The following FAM228B variants were observed in gnomAD, a reference collection of about 807,000 sequenced individuals.
FAM228B encodes family with sequence similarity 228 member B.
In FAM228B, 38 loss-of-function variants were observed where a neutral mutation model predicts 42.6. That is an observed-to-expected ratio of 0.89 (90% CI 0.69 to 1.17). The LOEUF is 1.17. Among genes scored for constraint, FAM228B ranks in the 50% most tolerant of loss-of-function variants. The probability of loss-of-function intolerance (pLI) is 0.00; values close to 1 mark genes in which losing one functional copy is unlikely to be tolerated. For missense variants in FAM228B, 344 were observed against 367.3 expected (o/e 0.94, Z 0.52); for synonymous variants, 109 against 122.3 (o/e 0.89, Z 0.72).
In FAM228B at chr2:24,137,920, G is replaced by C; in HGVS notation, c.180G>C (p.Lys60Asn). The C allele has an allele frequency of 6.5e-7, 1 of 1,526,848 alleles. No homozygotes were observed. Among genetic ancestry groups the C allele is most frequent in the Non-Finnish European group, 8.8e-7 (1 of 1,139,822 alleles). 94.6% of individuals were successfully genotyped at this position (1,526,848 alleles called of 1,614,324 possible). The change falls in exon 4 of 11, where the codon AAG (lysine) becomes AAC (asparagine). Residue 60 changes from lysine to asparagine, a missense_variant. Physicochemically the swap from Lys to Asn is moderately conservative, Grantham distance 94. Transcript: ENST00000615575. ...CCACTGTTTACTAGGAACTAGATAA[G>C]TATTTACAACATCATGCCTTCTTAA... ...KENSVIKELD[K>N]YLQHHAFLNA... is the part of the protein sequence containing the mutation.
chr2:24,139,630 C>T (rs1053823400), intron 5 of FAM228B, among the ~76,000 whole-genome samples, 180 bp downstream of exon 5: 1 of 152,020 alleles, frequency 6.6e-6, no homozygotes, highest in Non-Finnish European at 1.5e-5. Context: ...ATTAAATCTC[C>T]ATAAAAGTGG....
intron 3 of FAM228B, chr2:24,097,199 A>C (rs1277929859): frequency 6.6e-6 from 1 of 152,192 alleles, no homozygotes; most frequent in Non-Finnish European, 1.5e-5. Flanking sequence ...CATCGATGCT[A>C]TGAAGAAACT....
At chr2:24,093,965 C>T (rs967158301) in intron 2 of FAM228B, among the ~76,000 whole-genome samples, 9 of 151,388 alleles carry the variant, frequency 5.9e-5, no homozygotes, top group Non-Finnish European at 1.0e-4. Context: ...GGTATATACC[C>T]AGTAATGGGA....
intron 5 of FAM228B, among the ~76,000 whole-genome samples, chr2:24,143,945 G>A (rs374571873): frequency 2.6e-5 from 4 of 151,172 alleles, no homozygotes; most frequent in South Asian, 2.1e-4. Flanking sequence ...CCCAGGAGGC[G>A]GAGGTTGCAG....
At chr2:24,113,843 C>T (rs1054958767) in intron 3 of FAM228B, among the ~76,000 whole-genome samples, 7 of 152,102 alleles carry the variant, frequency 4.6e-5, no homozygotes, top group African/African-American at 1.2e-4. Flanking sequence ...CACCATTGCA[C>T]GCCAGCCTGG....
chr2:24,157,554 A>G (rs1354697076), intron 7 of FAM228B, among the ~76,000 whole-genome samples: 1 of 152,022 alleles, frequency 6.6e-6, no homozygotes, highest in Non-Finnish European at 1.5e-5. Flanking sequence ...CCTGGCAAAC[A>G]TGGTGAAACC....
At chr2:24,120,412 T>A (rs1666070976), upstream of FAM228B, among the ~76,000 whole-genome samples, 1 of 152,258 alleles carries the variant, frequency 6.6e-6, no homozygotes, top group Non-Finnish European at 1.5e-5. Context: ...TTTAACCTTG[T>A]TAAGCCTCAG....
Position 24,167,671 on chromosome 2 carries a change from A to T in FAM228B, c.*2A>T. On this transcript the variant is annotated 3_prime_UTR_variant, in exon 10 of 11. Transcript: ENST00000615575. ...GGGCTGCTGAAGCTGGAGCTATAAG[A>T]AAGAAGAGGGAGGTAGATGTCTTCT... 6.4e-7 allele frequency: 1 copy of T among 1,551,508 alleles called. No individual in the cohort carries two copies. Among genetic ancestry groups the T allele is most frequent in the Non-Finnish European group, 8.7e-7 (1 of 1,146,866 alleles).
At chr2:24,146,057 T>G (rs1666886389) in intron 5 of FAM228B, among the ~76,000 whole-genome samples, 1 of 152,234 alleles carries the variant, frequency 6.6e-6, no homozygotes, top group Non-Finnish European at 1.5e-5. Flanking sequence ...TCATAACTTC[T>G]GTAAAAGCAA....
intron 2 of FAM228B, among the ~76,000 whole-genome samples, chr2:24,091,389 C>T (rs961354568): frequency 4.0e-5 from 6 of 151,352 alleles, no homozygotes; most frequent in African/African-American, 1.2e-4. Context: ...GCCGAGATCG[C>T]CACTGCACTC....
At chr2:24,116,894 AG>A (rs1231725543) in intron 3 of FAM228B, among the ~76,000 whole-genome samples, 6 of 118,466 alleles carry the variant, frequency 5.1e-5, no homozygotes, top group Admixed American at 7.6e-5. Context: ...AAAAAGAAAA[AG>A]AAAAACAGAA....
intron 3 of FAM228B, among the ~76,000 whole-genome samples, chr2:24,103,246 G>T (rs1315761825): frequency 2.0e-5 from 3 of 152,200 alleles, no homozygotes; most frequent in Non-Finnish European, 4.4e-5. Context: ...ACTGGGTGAA[G>T]GGAGGCTGGG....
In FAM228B at chr2:24,084,394, G is replaced by GGCAGGGCAGGACAGGACAGT; in HGVS notation, c.-210+3458_-210+3459insTGCAGGGCAGGACAGGACAG. On this transcript the variant is annotated intron_variant, in intron 2 of 10. Coordinates refer to the FAM228B transcript ENST00000613899. The surrounding 1 kb of genome is among the most constrained non-coding windows in gnomAD (Gnocchi z 8.4). ...GGCAGGGCAGGGCAGGACAGGACAG[G>GGCAGGGCAGGACAGGACAGT]GCAGGGCAGGACAGGACAGGGCAGG... 6.6e-7 allele frequency: 1 copy of GGCAGGGCAGGACAGGACAGT among 1,514,330 alleles called. No individual in the cohort carries two copies. Among genetic ancestry groups the GGCAGGGCAGGACAGGACAGT allele is most frequent in the Non-Finnish European group, 8.9e-7 (1 of 1,124,446 alleles). 93.8% of individuals were successfully genotyped at this position (1,514,330 alleles called of 1,614,324 possible). A position where few individuals can be genotyped will look rare whatever the true frequency, so the allele number is the denominator to read the frequency against.
At chr2:24,155,836 G>A (rs1302287380) in intron 7 of FAM228B, among the ~76,000 whole-genome samples, 1 of 151,890 alleles carries the variant, frequency 6.6e-6, no homozygotes, top group Non-Finnish European at 1.5e-5. Flanking sequence ...CACTGCACCC[G>A]GCCACCATGC....
At chr2:24,083,899 T>C (rs1221261972) in intron 2 of FAM228B, among the ~76,000 whole-genome samples, 1 of 152,086 alleles carries the variant, frequency 6.6e-6, no homozygotes, top group Non-Finnish European at 1.5e-5. Context: ...GCGAACAGGG[T>C]AGCCTGGGGA....
chr2:24,107,178 A>G (rs1665716184), intron 3 of FAM228B, among the ~76,000 whole-genome samples: 2 of 152,222 alleles, frequency 1.3e-5, no homozygotes, highest in South Asian at 4.1e-4. Flanking sequence ...AAAAAAAGAT[A>G]AACAGGGCAT....
chr2:24,135,262 A>G lies in FAM228B; in HGVS notation c.168+75A>G, dbSNP rs1207670132. ...TTCCTTTTTATATGTAGCATATTCT[A>G]TAAAAACTATTTAGAAAATATGGAA... is the stretch of plus-strand genomic sequence containing the variant. On this transcript the variant is annotated intron_variant, in intron 3 of 10. Transcript: ENST00000615575. 3.8e-6 allele frequency: 3 copies of G among 796,646 alleles called. No homozygotes were observed. The South Asian group carries it at 5.6e-5, about 15-fold the overall frequency. 49.3% of individuals were successfully genotyped at this position (796,646 alleles called of 1,614,324 possible).
intron 2 of FAM228B, chr2:24,085,683 A>G (rs1422529096): frequency 6.6e-6 from 1 of 152,126 alleles, no homozygotes; most frequent in East Asian, 1.9e-4. Flanking sequence ...GACCCCCTAC[A>G]CTGCTCCTTG....
chr2:24,122,654 G>A (rs1421718440), upstream of FAM228B: 1 of 711,172 alleles, frequency 1.4e-6, no homozygotes, highest in African/African-American at 1.8e-5. Flanking sequence ...ATCAGCAAGT[G>A]TACTTTGAAA....
Sources: allele counts gnomAD v4.1 joint callset (sites outside exome capture counted in the v4.1 genomes callset), GRCh38; gene constraint gnomAD v4.1.1; non-coding constraint Gnocchi (gnomAD v3.1); transcripts MANE v1.5; gene names NCBI Gene and HGNC (gene_info 2026-07-23, HGNC 2026-07-21).